The following PLAGL2 variants were observed in gnomAD, a reference collection of about 807,000 sequenced individuals.
PLAGL2 encodes the protein zinc finger protein PLAGL2.
Under a neutral mutation model 29.0 loss-of-function variants are expected in PLAGL2, and 7 were observed. That is an observed-to-expected ratio of 0.24 (90% CI 0.14 to 0.45). The LOEUF is 0.45. Ranked by LOEUF, PLAGL2 falls within the 20% of genes least tolerant of loss-of-function variation. The pLI is 0.99. For missense variants in PLAGL2, 454 were observed against 648.2 expected (o/e 0.70, Z 3.25); for synonymous variants, 234 against 266.0 (o/e 0.88, Z 1.17).
chr20:32,197,898 C>CA lies in PLAGL2; in HGVS notation c.261-217dup, dbSNP rs201435849. Among the ~76,000 whole-genome samples, 558 of 151,770 alleles carry CA rather than the reference C, an allele frequency of 3.7e-3. 4 individuals carry two copies. Among genetic ancestry groups the CA allele is most frequent in the African/African-American group, 0.013 (519 of 41,418 alleles). On this transcript the variant is annotated intron_variant, in intron 2 of 2. Transcript: ENST00000246229. This position sits in a 1 kb window ranked among gnomAD's most constrained non-coding sequence, Gnocchi z 6.6. The stretch of plus-strand genomic sequence containing the variant: ...TTCTTTGCAGCATTGCTTGTAGTAG[C>CA]AAAAAAAATCAGAAACAATCTGAAC...
At chr20:32,204,442 G>A (rs1370182900) in intron 1 of PLAGL2, among the ~76,000 whole-genome samples, 2 of 152,210 alleles carry the variant, frequency 1.3e-5, no homozygotes, top group African/African-American at 4.8e-5. Context: ...AAAGAGGCTG[G>A]TGGTGGCTAA....
At position 32,206,124 on chromosome 20, in the gene PLAGL2, G is replaced by A. The variant is rs115956604; in HGVS notation, c.-115+1517C>T. On this transcript the variant is annotated intron_variant, in intron 1 of 2. Coordinates refer to ENST00000246229, the MANE Select transcript of PLAGL2 (RefSeq NM_002657.3). ...AACTGGGAAATTATAAATAGACTTA[G>A]AGGAAAGAAAAAACAAAACAAAACA... Among the ~76,000 whole-genome samples the A allele has an allele frequency of 3.6e-3, 553 of 152,214 alleles. 3 individuals carry two copies. The highest frequency in any genetic ancestry group is 0.013 in the African/African-American group (520 of 41,516).
In PLAGL2 at chr20:32,193,894, A is replaced by T. The variant is rs2047214581; in HGVS notation, c.*2558T>A. 6.6e-6 allele frequency: 1 copy of T among 152,552 alleles called. No homozygotes were observed. Among genetic ancestry groups the T allele is most frequent in the African/African-American group, 2.4e-5 (1 of 41,406 alleles). The allele number at this position is 152,552 out of a possible 1,614,324, so 9.4% of individuals were successfully genotyped here. On this transcript the variant is annotated 3_prime_UTR_variant, in exon 3 of 3. Coordinates refer to ENST00000246229, the MANE Select transcript of PLAGL2 (RefSeq NM_002657.3). ...ATTCCTCTGTACCAGCAAAGTTCAC[A>T]GTGATAGGAAAATTCCTTGTGGGTG...
chr20:32,203,510 A>G (rs892515331), intron 1 of PLAGL2, among the ~76,000 whole-genome samples: 25 of 152,384 alleles, frequency 1.6e-4, no homozygotes, highest in African/African-American at 6.0e-4. Flanking sequence ...GCAACCTGCT[A>G]CAACAGGGGG....
Position 32,196,494 on chromosome 20 carries a change from C to A in PLAGL2, c.1449G>T (p.Leu483=), listed in dbSNP as rs1411688804. The A allele has an allele frequency of 4.0e-6, 6 of 1,509,368 alleles. No homozygotes were observed. Among genetic ancestry groups the A allele is most frequent in the Non-Finnish European group, 5.3e-6 (6 of 1,130,802 alleles). 93.5% of individuals were successfully genotyped at this position (1,509,368 alleles called of 1,614,324 possible). The change falls in exon 3 of 3, where the codon CTG becomes CTT. Residue 483 remains leucine, a synonymous_variant. Coordinates refer to ENST00000246229, the MANE Select transcript of PLAGL2 (RefSeq NM_002657.3). The part of the protein sequence containing the change: ...HSLPPVFTSG[L]SSTTLPRFHQ... ...GGAAACGAGGCAGGGTGGTGCTACT[C>A]AGGCCAGACGTGAAGACAGGAGGCA...
In PLAGL2 at chr20:32,207,739, A is replaced by C; in HGVS notation, c.-213T>G. 2 of 410,622 alleles carry C rather than the reference A, an allele frequency of 4.9e-6. No homozygotes were observed. The highest frequency in any genetic ancestry group is 3.7e-6 in the Non-Finnish European group (1 of 269,986). The allele number at this position is 410,622 out of a possible 1,614,324, so 25.4% of individuals were successfully genotyped here. Reference sequence around the variant, plus strand: ...CGGCGGTCGGGCCATTGTGCGGTGCATTGTGGGAGCCGCGCGAGCGGGCGC... The same window carrying C: ...CGGCGGTCGGGCCATTGTGCGGTGCCTTGTGGGAGCCGCGCGAGCGGGCGC... On this transcript the variant is annotated 5_prime_UTR_variant, in exon 1 of 3. The change abolishes an upstream ATG in the 5' untranslated region. Coordinates refer to ENST00000246229, the MANE Select transcript of PLAGL2 (RefSeq NM_002657.3).
intron 1 of PLAGL2, among the ~76,000 whole-genome samples, chr20:32,203,594 G>A (rs1427382126): frequency 6.6e-6 from 1 of 152,102 alleles, no homozygotes; most frequent in African/African-American, 2.4e-5. Context: ...GGGGGTGTCT[G>A]GGGATTATCC....
chr20:32,199,104 G>C (rs1021918510), intron 2 of PLAGL2, among the ~76,000 whole-genome samples: 1 of 152,062 alleles, frequency 6.6e-6, no homozygotes, highest in African/African-American at 2.4e-5. Context: ...CTCCAGACAA[G>C]GAAAGGAGTC....
chr20:32,202,366 C>T lies in PLAGL2; in HGVS notation c.-114-74G>A. The T allele has an allele frequency of 6.6e-6, 4 of 604,108 alleles. 1 individual carries two copies. The highest frequency in any genetic ancestry group is 6.2e-5 in the South Asian group (3 of 48,386). The allele number at this position is 604,108 out of a possible 1,614,324, so 37.4% of individuals were successfully genotyped here. On this transcript the variant is annotated intron_variant, in intron 1 of 2. Coordinates refer to ENST00000246229, the MANE Select transcript of PLAGL2 (RefSeq NM_002657.3). The stretch of plus-strand genomic sequence containing the variant: ...ATGGGCTCTGGAAGCAGACAGATCC[C>T]GTTCCAATCCCAGCCCTTCCACTTA...
intron 1 of PLAGL2, among the ~76,000 whole-genome samples, chr20:32,207,345 G>GGGT (rs2047294583): frequency 6.6e-6 from 1 of 152,146 alleles, no homozygotes; most frequent in African/African-American, 2.4e-5. Flanking sequence ...GGGAGCCTAG[G>GGGT]GGTCGGGAAT....
chr20:32,197,151 G>A lies in PLAGL2; in HGVS notation c.792C>T (p.Ser264=). The A allele has an allele frequency of 6.2e-7, 1 of 1,614,216 alleles. No individual in the cohort carries two copies. The highest frequency in any genetic ancestry group is 1.3e-5 in the African/African-American group (1 of 75,070). ...VDMLGLLSCS[S]TVSVKEELSP... ...TCAGCTCTTCCTTCACACTGACTGTGGAGCTGCAGCTGAGTAGGCCTAACA... is the reference window on the plus strand; with the variant it reads ...TCAGCTCTTCCTTCACACTGACTGTAGAGCTGCAGCTGAGTAGGCCTAACA... The change falls in exon 3 of 3, where the codon TCC becomes TCT. Residue 264 remains serine, a synonymous_variant. Coordinates refer to ENST00000246229, the MANE Select transcript of PLAGL2 (RefSeq NM_002657.3). The surrounding 1 kb of genome is among the most constrained non-coding windows in gnomAD (Gnocchi z 6.6).
intron 1 of PLAGL2, 59 bp from the exon 2 acceptor site, chr20:32,202,351 G>A: frequency 1.6e-6 from 1 of 626,198 alleles, no homozygotes; most frequent in Non-Finnish European, 2.8e-6. Flanking sequence ...ATGGGCTCTG[G>A]AAGCAGACAG....
rs2047224939 is a variant in PLAGL2 at position 32,195,858 on chromosome 20, G to A, written c.*594C>T. On this transcript the variant is annotated 3_prime_UTR_variant, in exon 3 of 3. Coordinates refer to ENST00000246229, the MANE Select transcript of PLAGL2 (RefSeq NM_002657.3). ...GCAAGGGAGGTGAAATGGTGTGTCT[G>A]AGGTGACTGTGTAAACGGTACCGTT... 6.5e-6 allele frequency: 1 copy of A among 152,746 alleles called. No individual in the cohort carries two copies. The highest frequency in any genetic ancestry group is 2.4e-5 in the African/African-American group (1 of 41,456). 9.5% of individuals were successfully genotyped at this position (152,746 alleles called of 1,614,324 possible).
In PLAGL2 at chr20:32,202,208, T is replaced by C. The variant is rs771502420; in HGVS notation, c.-30A>G. The C allele has an allele frequency of 3.7e-6, 6 of 1,609,712 alleles. No homozygotes were observed. Among genetic ancestry groups the C allele is most frequent in the East Asian group, 2.2e-5 (1 of 44,808 alleles). On this transcript the variant is annotated 5_prime_UTR_variant, in exon 2 of 3. Transcript: ENST00000246229. ...AGGCTAATGGCAAAGGGCCATGTTA[T>C]TGAGAAAGCCTCCCCATCCGCTCCA...
chr20:32,197,763 A>G lies in PLAGL2; in HGVS notation c.261-81T>C. On this transcript the variant is annotated intron_variant, in intron 2 of 2. Coordinates refer to ENST00000246229, the MANE Select transcript of PLAGL2 (RefSeq NM_002657.3). The surrounding 1 kb of genome is among the most constrained non-coding windows in gnomAD (Gnocchi z 6.6). The stretch of plus-strand genomic sequence containing the variant: ...GATGACTGGACAACCAAAGGTGTCC[A>G]TTAACAGGAAACTAGATATAAAAAC... 1 of 1,168,628 alleles carries G rather than the reference A, an allele frequency of 8.6e-7. No homozygotes were observed. The highest frequency in any genetic ancestry group is 2.1e-4 in the Middle Eastern group (1 of 4,844). The allele number at this position is 1,168,628 out of a possible 1,614,324, so 72.4% of individuals were successfully genotyped here.
At chr20:32,203,411 G>GAGGAAA (rs1301126738) in intron 1 of PLAGL2, among the ~76,000 whole-genome samples, 1 of 152,218 alleles carries the variant, frequency 6.6e-6, no homozygotes, top group Non-Finnish European at 1.5e-5. Context: ...TCCAGAGGAA[G>GAGGAAA]AGGATGGGAG....
intron 2 of PLAGL2, among the ~76,000 whole-genome samples, chr20:32,200,462 G>A (rs1172260353): frequency 2.6e-5 from 4 of 151,974 alleles, no homozygotes; most frequent in East Asian, 1.9e-4. Flanking sequence ...TCCTGACCTC[G>A]TGATCCGCCT....
Position 32,204,420 on chromosome 20 carries a change from T to C in PLAGL2, c.-114-2128A>G, listed in dbSNP as rs557616409. 5.9e-5 allele frequency among the ~76,000 whole-genome samples: 9 copies of C among 152,182 alleles called. 1 individual carries two copies. Among genetic ancestry groups the C allele is most frequent in the Admixed American group, 2.6e-4 (4 of 15,276 alleles). On this transcript the variant is annotated intron_variant, in intron 1 of 2. Transcript: ENST00000246229. ...AGGCTGCTACTGAAAGAGTGAGTAA[T>C]GGGCTTCTAGGAAAGAGGCTGGTGG...
In PLAGL2 at chr20:32,197,190, T is replaced by C; in HGVS notation, c.753A>G (p.Thr251=). ...SHSQELLKIK[T]EPVDMLGLLS... ...GTAGGCCTAACATGTCCACGGGCTC[T>C]GTCTTGATCTTGAGCAGCTCCTGCG... Residue 251 remains threonine, a synonymous_variant, in exon 3 of 3, where the codon ACA becomes ACG. Transcript: ENST00000246229. The surrounding 1 kb of genome is among the most constrained non-coding windows in gnomAD (Gnocchi z 6.6). The C allele has an allele frequency of 1.2e-6, 2 of 1,614,246 alleles. No homozygotes were observed. The highest frequency in any genetic ancestry group is 1.7e-6 in the Non-Finnish European group (2 of 1,180,042).
Sources: allele counts gnomAD v4.1 joint callset (sites outside exome capture counted in the v4.1 genomes callset), GRCh38; gene constraint gnomAD v4.1.1; non-coding constraint Gnocchi (gnomAD v3.1); transcripts MANE v1.5; gene names NCBI Gene and HGNC (gene_info 2026-07-23, HGNC 2026-07-21).